GRAMD2B: variants seen among roughly 807,000 people sequenced by gnomAD.
GRAMD2B encodes GRAM domain-containing protein 2B.
GRAMD2B carries 41 observed loss-of-function variants against 59.2 expected under a neutral mutation model. That is an observed-to-expected ratio of 0.69 (90% confidence interval 0.54 to 0.90). The LOEUF (loss-of-function observed/expected upper bound fraction) is 0.90, where lower values mean the gene tolerates loss of function less well. Ranked by LOEUF, GRAMD2B falls within the 40% of genes least tolerant of loss-of-function variation. The pLI is 0.00. For missense variants in GRAMD2B, 424 were observed against 500.5 expected, an observed-to-expected ratio of 0.85 and a Z score of 1.46; for synonymous variants, 161 against 182.7, an observed-to-expected ratio of 0.88 and a Z score of 0.96.
At chr5:126,491,028 G>A (rs754881361) in intron 13 of GRAMD2B, among the ~76,000 whole-genome samples, 19 of 152,184 alleles carry the variant, frequency 1.2e-4, no homozygotes, top group Non-Finnish European at 2.4e-4. Context: ...GTCAGATAGT[G>A]TGAAGCTGGA....
chr5:126,457,008 C>T (rs6859271), intron 1 of GRAMD2B, among the ~76,000 whole-genome samples: 130,765 of 150,940 alleles, frequency 0.87, 57,809 homozygotes, highest in East Asian at 0.99. Flanking sequence ...CTGGCTAACA[C>T]GGTGAAACCC....
chr5:126,368,489 C>T (rs1754571690), upstream of GRAMD2B, among the ~76,000 whole-genome samples: 3 of 152,246 alleles, frequency 2.0e-5, no homozygotes, highest in Non-Finnish European at 4.4e-5. Flanking sequence ...AGCTTTATCA[C>T]AGGCAGCTCA....
At chr5:126,382,849 G>A (rs985358250) in intron 1 of GRAMD2B, among the ~76,000 whole-genome samples, 1 of 152,142 alleles carries the variant, frequency 6.6e-6, no homozygotes, top group African/African-American at 2.4e-5. Flanking sequence ...TGGGGCTCAA[G>A]GGCTGCTGTT....
rs113490580 is a variant in GRAMD2B, at chr5:126,467,890, T to C, written c.204-1787T>C. ...TGGCTAGAAGAGGCCTAGGACATCA[T>C]ATAGTCCATCTTTTCACAGCTGAGA... On this transcript the variant is annotated intron_variant, in intron 2 of 13. Coordinates refer to ENST00000285689, the MANE Select transcript of GRAMD2B (RefSeq NM_023927.4). Among the ~76,000 whole-genome samples, 723 of 152,296 alleles carry C rather than the reference T, an allele frequency of 4.7e-3. 9 individuals carry two copies. Among genetic ancestry groups the C allele is most frequent in the African/African-American group, 0.017 (705 of 41,564 alleles).
chr5:126,372,991 A>G (rs990601573), intron 1 of GRAMD2B, among the ~76,000 whole-genome samples: 1 of 152,350 alleles, frequency 6.6e-6, no homozygotes, highest in South Asian at 2.1e-4. Context: ...AAATGTTTTC[A>G]TAATTATAGA....
At chr5:126,429,913 G>A (rs1025093083) in intron 1 of GRAMD2B, among the ~76,000 whole-genome samples, 1 of 152,160 alleles carries the variant, frequency 6.6e-6, no homozygotes, top group Non-Finnish European at 1.5e-5. Flanking sequence ...TACATCTGTT[G>A]TCCAATACTT....
intron 1 of GRAMD2B, among the ~76,000 whole-genome samples, chr5:126,443,643 T>G (rs1763667281): frequency 6.6e-6 from 1 of 152,198 alleles, no homozygotes; most frequent in Admixed American, 6.5e-5. Flanking sequence ...ACAATAGTTT[T>G]CTGTCTTTTC....
chr5:126,424,354 T>C (rs1248922964), intron 1 of GRAMD2B, among the ~76,000 whole-genome samples: 1 of 152,248 alleles, frequency 6.6e-6, no homozygotes, highest in African/African-American at 2.4e-5. Flanking sequence ...CTAAGCCTAC[T>C]GAAGTCACTT....
chr5:126,411,567 A>G (rs1401850267), intron 1 of GRAMD2B, among the ~76,000 whole-genome samples: 1 of 151,862 alleles, frequency 6.6e-6, no homozygotes, highest in Non-Finnish European at 1.5e-5. Context: ...TTTTGCTCAC[A>G]ATTCCCTTGG....
At chr5:126,409,461 T>G (rs1758565543) in intron 1 of GRAMD2B, among the ~76,000 whole-genome samples, 1 of 152,224 alleles carries the variant, frequency 6.6e-6, no homozygotes, top group Non-Finnish European at 1.5e-5. Flanking sequence ...TTTTTTCATG[T>G]GTTTTTTGGC....
At chr5:126,368,928 T>A (rs966246282), upstream of GRAMD2B, among the ~76,000 whole-genome samples, 1 of 152,212 alleles carries the variant, frequency 6.6e-6, no homozygotes, top group Non-Finnish European at 1.5e-5. Flanking sequence ...CAAAGCATCG[T>A]GCATATGGCC....
intron 7 of GRAMD2B, 32 bp from the exon 8 acceptor site, chr5:126,480,595 T>G (rs757997597): frequency 6.2e-7 from 1 of 1,610,146 alleles, no homozygotes; most frequent in Non-Finnish European, 8.5e-7. Context: ...TCATAGTTAA[T>G]CTGGCTTTTC....
intron 1 of GRAMD2B, among the ~76,000 whole-genome samples, chr5:126,373,085 A>G (rs1166862621): frequency 6.6e-6 from 1 of 152,186 alleles, no homozygotes; most frequent in Admixed American, 6.5e-5. Context: ...TGTCACCCGC[A>G]TATTTGAGTA....
At chr5:126,367,038 T>C (rs919316174), upstream of GRAMD2B, among the ~76,000 whole-genome samples, 1 of 151,972 alleles carries the variant, frequency 6.6e-6, no homozygotes, top group African/African-American at 2.4e-5. Context: ...GTATTTTTAG[T>C]AGAGACGGTG....
chr5:126,361,243 A>C (rs1754203060), intron 1 of GRAMD2B, among the ~76,000 whole-genome samples: 1 of 152,166 alleles, frequency 6.6e-6, no homozygotes, highest in Non-Finnish European at 1.5e-5. Flanking sequence ...TGTCTTCAGA[A>C]AGACATGTGA....
At chr5:126,431,976 G>A (rs1761633863) in intron 1 of GRAMD2B, among the ~76,000 whole-genome samples, 1 of 152,154 alleles carries the variant, frequency 6.6e-6, no homozygotes, top group South Asian at 2.1e-4. Context: ...CTATCACCCA[G>A]GAGTGCAGTG....
intron 1 of GRAMD2B, among the ~76,000 whole-genome samples, chr5:126,392,889 A>G (rs1349126477): frequency 6.6e-6 from 1 of 152,220 alleles, no homozygotes; most frequent in Non-Finnish European, 1.5e-5. Context: ...CTGATCTGAC[A>G]GGAAGCAGGT....
chr5:126,485,609 T>C (rs1772750989), intron 10 of GRAMD2B, 77 bp from the exon 11 acceptor site: 2 of 785,546 alleles, frequency 2.5e-6, no homozygotes, highest in South Asian at 1.7e-5. Flanking sequence ...CTCTCTCAAG[T>C]ACCCCATAGG....
At chr5:126,455,845 C>T (rs1270327459) in intron 1 of GRAMD2B, among the ~76,000 whole-genome samples, 3 of 152,216 alleles carry the variant, frequency 2.0e-5, no homozygotes, top group Non-Finnish European at 4.4e-5. Context: ...CACAACTTCT[C>T]TGAGTCTCCT....
Sources: allele counts gnomAD v4.1 joint callset (sites outside exome capture counted in the v4.1 genomes callset), GRCh38; gene constraint gnomAD v4.1.1; transcripts MANE v1.5; gene names NCBI Gene and HGNC (gene_info 2026-07-23, HGNC 2026-07-21).